Variants in ATG4A observed in about 807,000 individuals in gnomAD.
ATG4A encodes cysteine protease ATG4A.
In ATG4A, 22 loss-of-function variants were observed where a neutral mutation model predicts 38.4. The observed-to-expected ratio is 0.57, with a 90% confidence interval of 0.41 to 0.82. The LOEUF is 0.82. ATG4A is among the 40% of genes least tolerant of loss of function. ATG4A has a pLI of 0.00. For synonymous variants in ATG4A, 86 were observed against 100.7 expected, an observed-to-expected ratio of 0.85 and a Z score of 0.88; for missense variants, 220 against 290.0, an observed-to-expected ratio of 0.76 and a Z score of 1.75.
chrX:108,117,614 TAG>T (rs1261869331), intron 1 of ATG4A, among the ~76,000 whole-genome samples: 2 of 111,608 alleles, frequency 1.8e-5, no homozygotes, highest in Non-Finnish European at 3.8e-5. Flanking sequence ...TGGGCCTTAT[TAG>T]AGAGGGCTTT....
Position 108,137,074 on chromosome X carries a change from TA to T in ATG4A, c.468-16del. The T allele has an allele frequency of 8.4e-7, 1 of 1,190,162 alleles. No individual in the cohort carries two copies. Among genetic ancestry groups the T allele is most frequent in the Middle Eastern group, 2.3e-4 (1 of 4,271 alleles). On this transcript the variant is annotated splice_polypyrimidine_tract_variant and intron_variant, in intron 6 of 12. Transcript: ENST00000372232. Reference sequence around the variant, plus strand: ...CCATCTTCCCAAATTGTGACTTCATTATACATTGCTTTGCAGAAAACTTGCT... The same window carrying T: ...CCATCTTCCCAAATTGTGACTTCATTTACATTGCTTTGCAGAAAACTTGCT...
intron 1 of ATG4A, among the ~76,000 whole-genome samples, chrX:108,108,670 G>A (rs1457865460): frequency 9.0e-6 from 1 of 110,892 alleles, no homozygotes; most frequent in Non-Finnish European, 1.9e-5. Context: ...AATTCAGTAG[G>A]ATTAAGTATA....
intron 1 of ATG4A, among the ~76,000 whole-genome samples, chrX:108,120,430 A>G (rs2147988531): frequency 8.9e-6 from 1 of 112,150 alleles, no homozygotes; most frequent in South Asian, 3.7e-4. Flanking sequence ...TGTGTATGGA[A>G]TCTCATTTCC....
intron 6 of ATG4A, 64 bp downstream of exon 6, chrX:108,134,475 C>T: frequency 9.8e-7 from 1 of 1,015,496 alleles, no homozygotes; most frequent in Non-Finnish European, 1.4e-6. Context: ...CCCTAGACAA[C>T]TAAACCTCCC....
chrX:108,139,112 G>A (rs1037879694), intron 9 of ATG4A, among the ~76,000 whole-genome samples: 2 of 111,131 alleles, frequency 1.8e-5, no homozygotes, highest in Admixed American at 1.9e-4. Flanking sequence ...AGTTACAAGG[G>A]AATGGCATGA....
At chrX:108,128,726 A>G in intron 2 of ATG4A, 55 bp from the exon 3 acceptor site, 1 of 827,104 alleles carries the variant, frequency 1.2e-6, no homozygotes. Flanking sequence ...CTCAGAAGTA[A>G]AGGTGGGTAT....
chrX:108,126,063 T>G lies in ATG4A; in HGVS notation c.11-14T>G, dbSNP rs770809412. On this transcript the variant is annotated splice_polypyrimidine_tract_variant and intron_variant, in intron 1 of 12. Transcript: ENST00000372232. ...TTCTATTAAATTTTACTTGTTTCTT[T>G]CCTTTTCTTTCAGTTTTATCCAAGT... is the stretch of plus-strand genomic sequence containing the variant. 9.0e-7 allele frequency: 1 copy of G among 1,110,584 alleles called. No individual in the cohort carries two copies. The highest frequency in any genetic ancestry group is 2.3e-5 in the Admixed American group (1 of 43,274). 91.5% of individuals were successfully genotyped at this position (1,110,584 alleles called of 1,213,427 possible).
chrX:108,137,839 A>G lies in ATG4A; in HGVS notation c.583A>G (p.Thr195Ala). 1 of 1,180,076 alleles carries G rather than the reference A, an allele frequency of 8.5e-7. No individual in the cohort carries two copies. The change falls in exon 8 of 13, where the codon ACA (threonine) becomes GCA (alanine). Residue 195 changes from threonine to alanine, a missense_variant. By Grantham distance (58) the Thr-to-Ala change is moderately conservative (BLOSUM62 0). This residue lies in a region of ATG4A where 159 missense variants were observed against 188.9 expected (regional missense o/e 0.84). Transcript: ENST00000372232. The part of the protein sequence containing the change: ...MCRVLPLSAD[T>A]AGDRPPDSLT... ...CCGTGTCCTTCCCTTGAGTGCTGAC[A>G]CAGCTGGTGACAGGCCTCCCGATTC...
At chrX:108,143,304 C>T (rs2033349158) in intron 9 of ATG4A, among the ~76,000 whole-genome samples, 1 of 111,517 alleles carries the variant, frequency 9.0e-6, no homozygotes, top group Non-Finnish European at 1.9e-5. Context: ...TTCTGTATTC[C>T]CTTTGCCGTC....
intron 4 of ATG4A, among the ~76,000 whole-genome samples, chrX:108,132,478 G>C (rs2032984635): frequency 8.9e-6 from 1 of 111,758 alleles, no homozygotes; most frequent in African/African-American, 3.3e-5. Context: ...TTGGAGAAGG[G>C]CCTAGGGAGG....
At chrX:108,130,084 A>G (rs1490659178) in intron 3 of ATG4A, among the ~76,000 whole-genome samples, 1 of 110,439 alleles carries the variant, frequency 9.1e-6, no homozygotes, top group African/African-American at 3.3e-5. Context: ...TCTTTTCCAT[A>G]CTAATCTGGC....
intron 1 of ATG4A, among the ~76,000 whole-genome samples, chrX:108,100,768 T>C (rs758356023): frequency 1.8e-5 from 2 of 112,009 alleles, no homozygotes; most frequent in Non-Finnish European, 3.8e-5. Context: ...CACATTTGGA[T>C]GCGATGTATA....
intron 1 of ATG4A, among the ~76,000 whole-genome samples, chrX:108,111,119 G>T (rs775226369): frequency 1.8e-5 from 2 of 111,563 alleles, no homozygotes; most frequent in South Asian, 7.7e-4. Flanking sequence ...GCCCAAACTG[G>T]TCTCAAACTC....
intron 6 of ATG4A, among the ~76,000 whole-genome samples, chrX:108,136,249 A>C (rs889523186): frequency 1.8e-5 from 2 of 111,245 alleles, no homozygotes; most frequent in Non-Finnish European, 3.8e-5. Flanking sequence ...TCTGGGAGCT[A>C]CCTGGTAGAG....
intron 1 of ATG4A, among the ~76,000 whole-genome samples, chrX:108,093,403 CT>C (rs775895267): frequency 4.5e-5 from 5 of 112,223 alleles, no homozygotes; most frequent in African/African-American, 1.3e-4. Flanking sequence ...TACTTCCTTA[CT>C]TTTTTATTGC....
chrX:108,143,472 A>G (rs184496400), intron 9 of ATG4A, among the ~76,000 whole-genome samples: 1 of 111,423 alleles, frequency 9.0e-6, no homozygotes, highest in Non-Finnish European at 1.9e-5. Flanking sequence ...GAGACACCCA[A>G]ATGGATCTCC....
At chrX:108,135,467 T>C (rs1207092040) in intron 6 of ATG4A, among the ~76,000 whole-genome samples, 1 of 111,896 alleles carries the variant, frequency 8.9e-6, no homozygotes, top group East Asian at 2.8e-4. Flanking sequence ...AATGTGTCTG[T>C]GAGGACAGTG....
At chrX:108,117,356 A>G (rs2032537693) in intron 1 of ATG4A, among the ~76,000 whole-genome samples, 1 of 111,421 alleles carries the variant, frequency 9.0e-6, no homozygotes, top group Admixed American at 9.5e-5. Flanking sequence ...GAAAGTGCTC[A>G]GTGTCATAAA....
upstream of ATG4A, chrX:108,091,353 C>T: frequency 8.9e-7 from 1 of 1,124,012 alleles, no homozygotes; most frequent in Admixed American, 2.2e-5. Context: ...CCCCGAAAGC[C>T]ACGTAGGGCT....
Sources: gnomAD v4.1 joint callset for allele counts (sites outside exome capture counted in the v4.1 genomes callset) on GRCh38, gnomAD v4.1.1 for gene constraint, gnomAD v4.1.1 regional missense constraint, MANE v1.5 for transcripts, NCBI Gene and HGNC (gene_info 2026-07-23, HGNC 2026-07-21) for gene names.